Variants in RASSF8 observed in about 807,000 individuals in gnomAD.
The protein encoded by RASSF8 is ras association domain-containing protein 8.
A neutral mutation model predicts 48.5 loss-of-function variants in RASSF8; 22 were observed. The ratio of observed to expected loss-of-function variants is 0.45; its 90% CI spans 0.32 to 0.65. The LOEUF is 0.65. Among genes scored for constraint, RASSF8 ranks in the 30% least tolerant of loss-of-function variants. The pLI is 0.03. For missense variants in RASSF8, 418 were observed against 489.2 expected (o/e 0.85, Z 1.37); for synonymous variants, 127 against 171.5 (o/e 0.74, Z 2.03).
At chr12:25,977,235 C>T (rs1034200845) in intron 1 of RASSF8, among the ~76,000 whole-genome samples, 1 of 152,192 alleles carries the variant, frequency 6.6e-6, no homozygotes, top group Non-Finnish European at 1.5e-5. Context: ...TGACTTATTA[C>T]CAGTGAATGC....
chr12:26,061,656 G>A (rs1006894570), intron 3 of RASSF8, among the ~76,000 whole-genome samples: 5 of 152,064 alleles, frequency 3.3e-5, no homozygotes, highest in African/African-American at 9.7e-5. Flanking sequence ...GGTCAAATAC[G>A]CTAAAAGGAG....
intron 2 of RASSF8, among the ~76,000 whole-genome samples, chr12:26,046,682 T>C (rs964376500): frequency 2.0e-5 from 3 of 149,272 alleles, no homozygotes; most frequent in African/African-American, 7.4e-5. Context: ...TAAAAAAAAA[T>C]AGTATTTATA....
At chr12:25,966,704 G>C (rs1941369163) in intron 1 of RASSF8, among the ~76,000 whole-genome samples, 1 of 152,092 alleles carries the variant, frequency 6.6e-6, no homozygotes, top group Non-Finnish European at 1.5e-5. Context: ...TCAAATATAT[G>C]CTTTGCAAAG....
intron 2 of RASSF8, chr12:26,052,519 T>C (rs1160487789): frequency 6.6e-6 from 1 of 152,222 alleles, no homozygotes; most frequent in Non-Finnish European, 1.5e-5. Context: ...TGGAAAAATA[T>C]ATTCCAAATT....
rs1444040723 is a variant in RASSF8, at chr12:26,070,860, C to T, written c.*2042C>T. Reference sequence around the variant, plus strand: ...GTTTCAGAGATGCCTTGGCATACCACGAAAAACACTGTCAATATCCAACTC... The same window carrying T: ...GTTTCAGAGATGCCTTGGCATACCATGAAAAACACTGTCAATATCCAACTC... On this transcript the variant is annotated 3_prime_UTR_variant, in exon 6 of 6. Coordinates refer to ENST00000689635, the MANE Select transcript of RASSF8 (RefSeq NM_001394098.1). 2.4e-5 allele frequency: 24 copies of T among 984,252 alleles called. No homozygotes were observed. Among genetic ancestry groups the T allele is most frequent in the East Asian group, 1.1e-4 (1 of 8,824 alleles). The allele number at this position is 984,252 out of a possible 1,614,324, so 61.0% of individuals were successfully genotyped here.
intron 1 of RASSF8, among the ~76,000 whole-genome samples, chr12:25,971,780 T>G (rs1026818447): frequency 1.3e-5 from 2 of 152,360 alleles, no homozygotes; most frequent in Admixed American, 6.5e-5. Flanking sequence ...GACACATTCA[T>G]CCACAGACTA....
chr12:25,971,130 C>T (rs1353267969), intron 1 of RASSF8, among the ~76,000 whole-genome samples: 4 of 152,128 alleles, frequency 2.6e-5, no homozygotes, highest in Non-Finnish European at 4.4e-5. Context: ...AGCTTGTAGC[C>T]CTCGATGCAG....
chr12:26,008,532 TG>T (rs1220249617), intron 2 of RASSF8, among the ~76,000 whole-genome samples: 1 of 152,234 alleles, frequency 6.6e-6, no homozygotes, highest in Non-Finnish European at 1.5e-5. Context: ...AGGCTGATAT[TG>T]TCATTTGTAT....
intron 2 of RASSF8, among the ~76,000 whole-genome samples, chr12:26,052,028 A>T (rs1390142638): frequency 6.6e-6 from 1 of 152,204 alleles, no homozygotes; most frequent in East Asian, 1.9e-4. Context: ...GAAAGGACAC[A>T]TGTTGACAGT....
intron 2 of RASSF8, among the ~76,000 whole-genome samples, chr12:26,017,153 T>C (rs1942670930): frequency 6.6e-6 from 1 of 152,164 alleles, no homozygotes; most frequent in South Asian, 2.1e-4. Context: ...GTTGCTTTTG[T>C]CTTTATATCA....
intron 1 of RASSF8, among the ~76,000 whole-genome samples, chr12:25,968,032 A>G (rs989885549): frequency 6.6e-6 from 1 of 152,312 alleles, no homozygotes; most frequent in Admixed American, 6.5e-5. Flanking sequence ...GGGCCTGGAA[A>G]CAATATGTCA....
chr12:25,969,145 A>T (rs1439622311), intron 1 of RASSF8, among the ~76,000 whole-genome samples: 1 of 152,188 alleles, frequency 6.6e-6, no homozygotes, highest in Non-Finnish European at 1.5e-5. Context: ...ATTGGCTATG[A>T]CAAGGATCTT....
intron 2 of RASSF8, among the ~76,000 whole-genome samples, chr12:26,038,120 G>A (rs1409077396): frequency 6.6e-6 from 1 of 152,162 alleles, no homozygotes; most frequent in Non-Finnish European, 1.5e-5. Context: ...TGCACGTGTT[G>A]TGTATGCTTT....
intron 2 of RASSF8, among the ~76,000 whole-genome samples, chr12:26,015,701 C>G (rs1376582942): frequency 6.6e-6 from 1 of 152,098 alleles, no homozygotes; most frequent in East Asian, 1.9e-4. Flanking sequence ...AAAACAATAC[C>G]TAAAGTTAGC....
intron 2 of RASSF8, among the ~76,000 whole-genome samples, chr12:26,005,543 A>C (rs1592257017): frequency 6.6e-6 from 1 of 152,174 alleles, no homozygotes; most frequent in African/African-American, 2.4e-5. Context: ...TAGAATATAA[A>C]ATCTTTTTTT....
rs139254521 is a variant in RASSF8 at position 25,964,969 on chromosome 12, G to A, written c.-203+5821G>A. Among the ~76,000 whole-genome samples the A allele has an allele frequency of 6.3e-3, 953 of 152,110 alleles. 1 individual carries two copies. Among genetic ancestry groups the A allele is most frequent in the Non-Finnish European group, 9.5e-3 (643 of 68,012 alleles). On this transcript the variant is annotated intron_variant, in intron 1 of 5. Coordinates refer to ENST00000689635, the MANE Select transcript of RASSF8 (RefSeq NM_001394098.1). ...TAATTTATATATTTTTTGAGACGGA[G>A]TCTTGCTCTGTCGTCCAGGCTGGAG...
chr12:26,034,030 AG>A (rs1399958212), intron 2 of RASSF8, among the ~76,000 whole-genome samples: 2 of 150,898 alleles, frequency 1.3e-5, no homozygotes, highest in Non-Finnish European at 3.0e-5. Context: ...GACCCCAGCA[AG>A]CTAGCAGGGA....
At chr12:26,073,760 C>T (rs1258655640), downstream of RASSF8, among the ~76,000 whole-genome samples, 8 of 135,896 alleles carry the variant, frequency 5.9e-5, no homozygotes, top group East Asian at 2.1e-4. Flanking sequence ...CACACACACA[C>T]ACACACACAC....
At position 26,055,341 on chromosome 12, in the gene RASSF8, AC is replaced by A. The variant is rs770401149; in HGVS notation, c.-1del. On this transcript the variant is annotated 5_prime_UTR_variant, in exon 3 of 6. Transcript: ENST00000689635. ...GGGACCTTGAGTGACTGGCCGGTGC[AC>A]CATGGAACTTAAAGTATGGGTGGAT... 3 of 1,613,666 alleles carry A rather than the reference AC, an allele frequency of 1.9e-6. No individual in the cohort carries two copies. In the South Asian group the frequency reaches 3.3e-5, roughly 18 times the overall value.
Sources: allele counts gnomAD v4.1 joint callset (sites outside exome capture counted in the v4.1 genomes callset), GRCh38; gene constraint gnomAD v4.1.1; transcripts MANE v1.5; gene names NCBI Gene and HGNC (gene_info 2026-07-23, HGNC 2026-07-21).